SLC39A12: variants seen among roughly 807,000 people sequenced by gnomAD.
SLC39A12 encodes the protein solute carrier family 39 member 12.
Under a neutral mutation model 71.1 loss-of-function variants are expected in SLC39A12, and 63 were observed. The ratio of observed to expected loss-of-function variants is 0.89; its 90% CI spans 0.72 to 1.09. The LOEUF (loss-of-function observed/expected upper bound fraction) is 1.09, where lower values mean the gene tolerates loss of function less well. Ranked by LOEUF, SLC39A12 falls within the 50% of genes least tolerant of loss-of-function variation. SLC39A12 has a pLI of 0.00. For missense variants in SLC39A12, 892 were observed against 812.6 expected, an observed-to-expected ratio of 1.10 and a Z score of -1.19; for synonymous variants, 351 against 301.3, an observed-to-expected ratio of 1.16 and a Z score of -1.71.
chr10:17,983,899 A>C (rs1835337184), intron 6 of SLC39A12, among the ~76,000 whole-genome samples: 1 of 152,224 alleles, frequency 6.6e-6, no homozygotes. Flanking sequence ...ATAGAAATAT[A>C]TGATATTATA....
intron 7 of SLC39A12, among the ~76,000 whole-genome samples, chr10:17,989,050 G>C (rs1835475241): frequency 6.6e-6 from 1 of 152,170 alleles, no homozygotes; most frequent in Non-Finnish European, 1.5e-5. Flanking sequence ...GCACCAGGAG[G>C]CTGCCTCCTG....
chr10:17,961,966 G>C (rs1468175911), intron 3 of SLC39A12, 104 bp downstream of exon 3: 11 of 1,204,730 alleles, frequency 9.1e-6, no homozygotes, highest in Non-Finnish European at 1.3e-5. Flanking sequence ...ACTTCTAAGG[G>C]AGGTAAGTAT....
intron 8 of SLC39A12, among the ~76,000 whole-genome samples, chr10:17,991,714 G>A (rs77038128): frequency 0.036 from 5,463 of 152,118 alleles, 308 homozygotes; most frequent in African/African-American, 0.12. Flanking sequence ...AAAAACAAGC[G>A]TCTTAGGAAT....
intron 12 of SLC39A12, among the ~76,000 whole-genome samples, chr10:18,003,671 A>G (rs1835903979): frequency 6.6e-6 from 1 of 152,196 alleles, no homozygotes; most frequent in Non-Finnish European, 1.5e-5. Context: ...TCAAAAAGTA[A>G]TCATCAGCTC....
chr10:17,986,379 A>G (rs943825773), intron 6 of SLC39A12, among the ~76,000 whole-genome samples: 1 of 152,212 alleles, frequency 6.6e-6, no homozygotes, highest in African/African-American at 2.4e-5. Flanking sequence ...GCTTATGTAA[A>G]CAACAGACAT....
Position 18,043,101 on chromosome 10 carries a change from G to A in SLC39A12, c.*268G>A, listed in dbSNP as rs1589266392. 1 of 191,298 alleles carries A rather than the reference G, an allele frequency of 5.2e-6. No individual in the cohort carries two copies. The highest frequency in any genetic ancestry group is 1.8e-4 in the South Asian group (1 of 5,618). 11.9% of individuals were successfully genotyped at this position (191,298 alleles called of 1,614,324 possible). On this transcript the variant is annotated 3_prime_UTR_variant, in exon 13 of 13. Transcript: ENST00000377369. ...AAAAAGTAGTTAGTAAATTCTGCAT[G>A]AATTTTAGTAAACTTTAAAAAATAG...
intron 12 of SLC39A12, among the ~76,000 whole-genome samples, chr10:18,019,518 A>G (rs73607873): frequency 0.017 from 2,580 of 151,998 alleles, 70 homozygotes; most frequent in African/African-American, 0.058. Flanking sequence ...GATATATATA[A>G]TATCTGATTC....
At chr10:18,021,584 CTG>C (rs1381529544) in intron 12 of SLC39A12, among the ~76,000 whole-genome samples, 3 of 152,118 alleles carry the variant, frequency 2.0e-5, no homozygotes, top group Non-Finnish European at 4.4e-5. Context: ...GCTTACCACT[CTG>C]TGCCTTTTAA....
chr10:18,006,775 G>T (rs1248584922), intron 12 of SLC39A12, among the ~76,000 whole-genome samples: 1 of 152,128 alleles, frequency 6.6e-6, no homozygotes, highest in Non-Finnish European at 1.5e-5. Context: ...TCCACTTCCA[G>T]GTTATACACA....
chr10:17,982,925 T>C (rs1019614092), intron 6 of SLC39A12, among the ~76,000 whole-genome samples: 1 of 151,862 alleles, frequency 6.6e-6, no homozygotes, highest in Non-Finnish European at 1.5e-5. Context: ...GCGCGGTGGC[T>C]CACGTCTGTA....
chr10:18,015,499 G>A (rs1299812326), intron 12 of SLC39A12, among the ~76,000 whole-genome samples: 6 of 151,908 alleles, frequency 3.9e-5, no homozygotes, highest in Non-Finnish European at 7.4e-5. Context: ...GTGCATTGGT[G>A]GTATAATATT....
At chr10:18,005,457 C>T (rs913965676) in intron 12 of SLC39A12, 3 of 152,204 alleles carry the variant, frequency 2.0e-5, no homozygotes, top group African/African-American at 7.2e-5. Flanking sequence ...CTTGAGCTTC[C>T]TAATTTTCAA....
chr10:17,991,327 C>T, intron 8 of SLC39A12, 24 bp downstream of exon 8: 1 of 1,542,282 alleles, frequency 6.5e-7, no homozygotes, highest in Middle Eastern at 2.2e-4. Context: ...TTTTATTTGT[C>T]TTGTGCTTTA....
At chr10:17,993,809 C>T (rs1371527751) in intron 9 of SLC39A12, among the ~76,000 whole-genome samples, 2 of 152,192 alleles carry the variant, frequency 1.3e-5, no homozygotes, top group Admixed American at 1.3e-4. Flanking sequence ...TCTCAAAGCA[C>T]AATGTCCAAT....
chr10:17,970,582 G>T (rs967596635), intron 4 of SLC39A12, among the ~76,000 whole-genome samples: 10 of 151,320 alleles, frequency 6.6e-5, no homozygotes, highest in Admixed American at 5.9e-4. Flanking sequence ...TTTTCAGATT[G>T]TTCACTGTTG....
At chr10:18,017,538 A>G (rs1836419981) in intron 12 of SLC39A12, among the ~76,000 whole-genome samples, 1 of 152,154 alleles carries the variant, frequency 6.6e-6, no homozygotes, top group Non-Finnish European at 1.5e-5. Context: ...TGAACTCCTG[A>G]CCTCATGATC....
intron 7 of SLC39A12, among the ~76,000 whole-genome samples, chr10:17,990,438 G>A (rs1477166193): frequency 6.6e-6 from 1 of 151,992 alleles, no homozygotes; most frequent in Non-Finnish European, 1.5e-5. Context: ...TTCTAAATCT[G>A]GAAACCATTT....
At chr10:17,963,711 G>A (rs965837613) in intron 3 of SLC39A12, among the ~76,000 whole-genome samples, 9 of 152,116 alleles carry the variant, frequency 5.9e-5, no homozygotes, top group African/African-American at 2.2e-4. Context: ...TGTTCTTTCT[G>A]ACTAGATGGC....
In SLC39A12 at chr10:18,041,787, ATG is replaced by A. The variant is rs546464385; in HGVS notation, c.1948-914_1948-913del. 8.9e-5 allele frequency among the ~76,000 whole-genome samples: 13 copies of A among 146,806 alleles called. 1 individual carries two copies. The highest frequency in any genetic ancestry group is 3.2e-4 in the African/African-American group (13 of 40,074). ...CATATGTATACATATGTATATACAT[ATG>A]TGTCTATATGTATATACATATGTAT... is the stretch of plus-strand genomic sequence containing the variant. On this transcript the variant is annotated intron_variant, in intron 12 of 12. Coordinates refer to ENST00000377369, the MANE Select transcript of SLC39A12 (RefSeq NM_001145195.2).
Sources: gnomAD v4.1 joint callset for allele counts (sites outside exome capture counted in the v4.1 genomes callset) on GRCh38, gnomAD v4.1.1 for gene constraint, MANE v1.5 for transcripts, NCBI Gene and HGNC (gene_info 2026-07-23, HGNC 2026-07-21) for gene names.